The following CALHM4 variants were observed in gnomAD, a reference collection of about 807,000 sequenced individuals.
CALHM4 encodes calcium homeostasis modulator family member 4.
CALHM4 carries 16 observed loss-of-function variants against 13.3 expected under a neutral mutation model. The observed-to-expected ratio is 1.20, with a 90% confidence interval of 0.81 to 1.82. The LOEUF (loss-of-function observed/expected upper bound fraction) is 1.82. Among genes scored for constraint, CALHM4 ranks in the 40% most tolerant of loss-of-function variants. The pLI is 0.00. For synonymous variants in CALHM4, 127 were observed against 137.1 expected, an observed-to-expected ratio of 0.93 and a Z score of 0.52; for missense variants, 344 against 374.9, an observed-to-expected ratio of 0.92 and a Z score of 0.68.
rs1774517473 is a variant in CALHM4 at position 116,560,116 on chromosome 6, T to A, written c.*1905T>A. On this transcript the variant is annotated 3_prime_UTR_variant, in exon 2 of 2. Coordinates refer to ENST00000368596, the MANE Select transcript of CALHM4 (RefSeq NM_001366078.2). ...AACTGTGTAAATATGGAATGTCACA[T>A]CCATTTTGTTCCCTAAGGTCTGCTC... is the stretch of plus-strand genomic sequence containing the variant. Among the ~76,000 whole-genome samples, 4 of 152,314 alleles carry A rather than the reference T, an allele frequency of 2.6e-5. No individual in the cohort carries two copies. The South Asian group carries it at 8.3e-4, about 32-fold the overall frequency.
At chr6:116,541,824 A>G (rs1276342947) in intron 1 of CALHM4, among the ~76,000 whole-genome samples, 1 of 152,210 alleles carries the variant, frequency 6.6e-6, no homozygotes, top group East Asian at 1.9e-4. Flanking sequence ...TGCTATATCT[A>G]CACATATTGC....
intron 1 of CALHM4, among the ~76,000 whole-genome samples, chr6:116,535,314 G>A (rs1396569572): frequency 6.6e-6 from 1 of 152,244 alleles, no homozygotes; most frequent in Non-Finnish European, 1.5e-5. Flanking sequence ...TCAGCAGGAT[G>A]TGGACTCTTC....
Position 116,558,130 on chromosome 6 carries a change from A to G in CALHM4, c.864A>G (p.Gln288=). 3 of 1,614,188 alleles carry G rather than the reference A, an allele frequency of 1.9e-6. No homozygotes were observed. The highest frequency in any genetic ancestry group is 2.5e-6 in the Non-Finnish European group (3 of 1,179,994). The change falls in exon 2 of 2, where the codon CAA becomes CAG. Residue 288 remains glutamine (Q), a synonymous_variant. Transcript: ENST00000368596. The part of the protein sequence containing the change: ...PTLLCMGDDL[Q]GHYSFLGNRV... ...TTTTATGCATGGGTGATGACTTGCA[A>G]GGTCACTATAGCTTCCTTGGAAATA...
At chr6:116,536,681 A>T (rs1773114491) in intron 1 of CALHM4, among the ~76,000 whole-genome samples, 1 of 152,136 alleles carries the variant, frequency 6.6e-6, no homozygotes, top group African/African-American at 2.4e-5. Context: ...CATGGTCTCT[A>T]GGTGCTCAGT....
At chr6:116,532,459 G>A (rs1052852151) in intron 1 of CALHM4, among the ~76,000 whole-genome samples, 3 of 152,182 alleles carry the variant, frequency 2.0e-5, no homozygotes, top group Non-Finnish European at 4.4e-5. Context: ...GTCAACAGGT[G>A]TGGATTTACC....
chr6:116,556,637 T>C (rs1261808894), intron 1 of CALHM4, among the ~76,000 whole-genome samples: 2 of 152,224 alleles, frequency 1.3e-5, no homozygotes, highest in African/African-American at 4.8e-5. Context: ...GGCTGCATAC[T>C]GCTAGCGTCC....
chr6:116,543,295 C>A (rs1773574972), intron 1 of CALHM4: 15 of 1,541,658 alleles, frequency 9.7e-6, no homozygotes, highest in Non-Finnish European at 1.1e-5. Context: ...TGAAGGACTT[C>A]CACTTACATT....
rs573315790 is a variant in CALHM4, at chr6:116,543,664, G to T, written c.-108-101G>T. Reference sequence around the variant, plus strand: ...CATCTTTCTATGCATTTGCTTACATGATAACTTGCAATGTATTTTCATGGA... The same window carrying T: ...CATCTTTCTATGCATTTGCTTACATTATAACTTGCAATGTATTTTCATGGA... On this transcript the variant is annotated intron_variant, in intron 1 of 2. Transcript: ENST00000368597. The T allele has an allele frequency of 2.8e-4, 202 of 726,198 alleles. No individual in the cohort carries two copies. The African/African-American group carries it at 3.4e-3, about 12-fold the overall frequency. The allele number at this position is 726,198 out of a possible 1,614,324, so 45.0% of individuals were successfully genotyped here. A position where few individuals can be genotyped will look rare whatever the true frequency, so the allele number is the denominator to read the frequency against.
intron 1 of CALHM4, among the ~76,000 whole-genome samples, chr6:116,531,265 A>G (rs1772705818): frequency 2.0e-5 from 3 of 152,128 alleles, no homozygotes; most frequent in Non-Finnish European, 4.4e-5. Flanking sequence ...CACATAGAGA[A>G]AGTCACAGTT....
intron 1 of CALHM4, among the ~76,000 whole-genome samples, chr6:116,529,945 A>T (rs1393638034): frequency 6.6e-6 from 1 of 152,206 alleles, no homozygotes; most frequent in Admixed American, 6.5e-5. Context: ...AGTTTTACAT[A>T]TTCATCCTAG....
chr6:116,531,963 G>A (rs185553342), intron 1 of CALHM4, among the ~76,000 whole-genome samples: 140 of 151,676 alleles, frequency 9.2e-4, no homozygotes, highest in Non-Finnish European at 5.9e-4. Flanking sequence ...AGTTGAGTTC[G>A]CTGTCATTAT....
intron 1 of CALHM4, among the ~76,000 whole-genome samples, chr6:116,531,837 T>C (rs1772743825): frequency 6.6e-6 from 1 of 150,524 alleles, no homozygotes; most frequent in South Asian, 2.1e-4. Flanking sequence ...GAAAAAACAA[T>C]AATAAATATA....
At chr6:116,530,934 T>C (rs1772673607) in intron 1 of CALHM4, among the ~76,000 whole-genome samples, 1 of 144,578 alleles carries the variant, frequency 6.9e-6, no homozygotes, top group South Asian at 2.2e-4. Flanking sequence ...TATATATATA[T>C]ATATATATAT....
At chr6:116,551,090 A>G (rs1774058704), upstream of CALHM4, among the ~76,000 whole-genome samples, 1 of 152,198 alleles carries the variant, frequency 6.6e-6, no homozygotes, top group Non-Finnish European at 1.5e-5. Flanking sequence ...CCTTTTCCAC[A>G]GAGTGCCCAA....
chr6:116,535,501 C>T (rs888024834), intron 1 of CALHM4, among the ~76,000 whole-genome samples: 2 of 152,158 alleles, frequency 1.3e-5, no homozygotes, highest in African/African-American at 4.8e-5. Flanking sequence ...TTAGCTTCTC[C>T]TAATAACGAA....
chr6:116,543,139 C>T (rs1562355934), intron 1 of CALHM4, among the ~76,000 whole-genome samples: 1 of 152,104 alleles, frequency 6.6e-6, no homozygotes, highest in African/African-American at 2.4e-5. Context: ...ATTCTATCAA[C>T]CCAAATGGCA....
intron 1 of CALHM4, among the ~76,000 whole-genome samples, chr6:116,537,072 A>C (rs1570065): frequency 0.3 from 46,300 of 151,976 alleles, 8,672 homozygotes; most frequent in Middle Eastern, 0.49. Flanking sequence ...TTGTTGGAGA[A>C]GTAAAAATGA....
upstream of CALHM4, among the ~76,000 whole-genome samples, chr6:116,548,997 T>G (rs1773929808): frequency 6.6e-6 from 1 of 152,142 alleles, no homozygotes; most frequent in Admixed American, 6.5e-5. Flanking sequence ...ATTTTAAACA[T>G]AAGAAGGCCA....
chr6:116,557,792 C>T (rs1456530811), intron 1 of CALHM4, 33 bp from the exon 2 acceptor site: 5 of 1,591,968 alleles, frequency 3.1e-6, no homozygotes, highest in Non-Finnish European at 4.3e-6. Context: ...TGCATTGATA[C>T]TTCCTGTTTT....
Sources: gnomAD v4.1 joint callset for allele counts (sites outside exome capture counted in the v4.1 genomes callset) on GRCh38, gnomAD v4.1.1 for gene constraint, MANE v1.5 for transcripts, NCBI Gene and HGNC (gene_info 2026-07-23, HGNC 2026-07-21) for gene names.